UCHL5: variants seen among roughly 807,000 people sequenced by gnomAD.
UCHL5 encodes ubiquitin carboxyl-terminal hydrolase isozyme L5.
UCHL5 carries 34 observed loss-of-function variants against 53.8 expected under a neutral mutation model. The observed-to-expected ratio is 0.63, with a 90% CI of 0.48 to 0.84. The LOEUF (loss-of-function observed/expected upper bound fraction) is 0.84, where lower values mean the gene tolerates loss of function less well. UCHL5 is among the 40% of genes least tolerant of loss of function. UCHL5 has a pLI of 0.00. For synonymous variants in UCHL5, 111 were observed against 126.3 expected (o/e 0.88, Z 0.81); for missense variants, 290 against 385.6 (o/e 0.75, Z 2.08).
At chr1:193,031,201 A>G (rs999824104) in intron 3 of UCHL5, among the ~76,000 whole-genome samples, 1 of 152,188 alleles carries the variant, frequency 6.6e-6, no homozygotes, top group African/African-American at 2.4e-5. Flanking sequence ...TCTTAGGTCT[A>G]AATTACCTAA....
chr1:193,039,630 A>C (rs941430897), intron 3 of UCHL5, among the ~76,000 whole-genome samples: 8 of 152,204 alleles, frequency 5.3e-5, no homozygotes, highest in African/African-American at 1.9e-4. Context: ...CATTCTTCAT[A>C]GAAACAGAAA....
intron 3 of UCHL5, among the ~76,000 whole-genome samples, chr1:193,035,383 A>T (rs556027318): frequency 2.6e-5 from 4 of 152,110 alleles, no homozygotes; most frequent in African/African-American, 9.6e-5. Flanking sequence ...GCTTCAATTC[A>T]TCTAGCAACG....
At chr1:193,057,092 T>C (rs1200214307) in intron 1 of UCHL5, among the ~76,000 whole-genome samples, 5 of 152,218 alleles carry the variant, frequency 3.3e-5, no homozygotes, top group African/African-American at 9.7e-5. Context: ...GAACGTAAAA[T>C]ATATGACTAA....
intron 3 of UCHL5, among the ~76,000 whole-genome samples, chr1:193,040,462 A>G (rs1445310516): frequency 6.6e-6 from 1 of 152,220 alleles, no homozygotes; most frequent in East Asian, 1.9e-4. Context: ...CACCCAAGTT[A>G]AAATGGCTTT....
chr1:193,058,375 A>G (rs923936919), intron 1 of UCHL5, among the ~76,000 whole-genome samples: 6 of 152,238 alleles, frequency 3.9e-5, no homozygotes, highest in Non-Finnish European at 8.8e-5. Flanking sequence ...ATCCCGCGTA[A>G]AAGTTTTAAC....
rs900060207 is a variant in UCHL5, at chr1:193,038,471, A to C, written c.247-8814T>G. Among the ~76,000 whole-genome samples, 6 of 151,712 alleles carry C rather than the reference A, an allele frequency of 4.0e-5. 1 individual carries two copies. Among genetic ancestry groups the C allele is most frequent in the African/African-American group, 1.4e-4 (6 of 41,400 alleles). ...CTTCATCTCAAAAAAAAAAAAAAAAACCACAGTCTTTCCTCTAAGATCAGG... is the reference window on the plus strand; with the variant it reads ...CTTCATCTCAAAAAAAAAAAAAAAACCCACAGTCTTTCCTCTAAGATCAGG... On this transcript the variant is annotated intron_variant, in intron 3 of 10. Coordinates refer to ENST00000367454, the MANE Select transcript of UCHL5 (RefSeq NM_001199261.3).
intron 10 of UCHL5, among the ~76,000 whole-genome samples, chr1:193,020,793 A>C (rs2102297914): frequency 6.6e-6 from 1 of 152,056 alleles, no homozygotes; most frequent in South Asian, 2.1e-4. Flanking sequence ...TATTTCAATT[A>C]TCAGCATTAA....
chr1:193,053,479 T>G (rs1307869123), intron 1 of UCHL5, among the ~76,000 whole-genome samples: 2 of 152,220 alleles, frequency 1.3e-5, no homozygotes, highest in African/African-American at 4.8e-5. Context: ...CAATTTAGCA[T>G]CTATCTCCTT....
chr1:193,038,968 A>ACGCT (rs1341757433), intron 3 of UCHL5, among the ~76,000 whole-genome samples: 1 of 152,162 alleles, frequency 6.6e-6, no homozygotes, highest in African/African-American at 2.4e-5. Context: ...TTCACTCCAG[A>ACGCT]CAGAGCAAGA....
At chr1:193,054,637 G>T (rs1238052201) in intron 1 of UCHL5, among the ~76,000 whole-genome samples, 1 of 152,092 alleles carries the variant, frequency 6.6e-6, no homozygotes, top group African/African-American at 2.4e-5. Context: ...CCATTTTAGG[G>T]GCTGTAACAA....
At chr1:193,043,205 T>G (rs1349100373) in intron 3 of UCHL5, among the ~76,000 whole-genome samples, 3 of 147,478 alleles carry the variant, frequency 2.0e-5, no homozygotes, top group Non-Finnish European at 4.5e-5. Flanking sequence ...CTATTGTTTT[T>G]TTTATGCCTA....
chr1:193,055,084 T>C (rs111640063), intron 1 of UCHL5, among the ~76,000 whole-genome samples: 105 of 152,320 alleles, frequency 6.9e-4, no homozygotes, highest in Non-Finnish European at 1.2e-3. Context: ...GGCTATTTAG[T>C]GTAGAAAGAA....
chr1:193,041,577 C>T (rs980524249), intron 3 of UCHL5, among the ~76,000 whole-genome samples: 19 of 152,170 alleles, frequency 1.2e-4, no homozygotes, highest in African/African-American at 4.3e-4. Context: ...ATATTTCCTT[C>T]AAAAGTTGCA....
intron 10 of UCHL5, among the ~76,000 whole-genome samples, chr1:193,017,365 T>C (rs984660743): frequency 1.3e-5 from 2 of 151,758 alleles, no homozygotes; most frequent in Admixed American, 6.6e-5. Flanking sequence ...CTTTTTGTAA[T>C]GTATTAGGTA....
chr1:193,040,363 A>T (rs1295423842), intron 3 of UCHL5, among the ~76,000 whole-genome samples: 1 of 152,214 alleles, frequency 6.6e-6, no homozygotes, highest in Non-Finnish European at 1.5e-5. Flanking sequence ...TTCTCAAAAG[A>T]CATACAAATG....
rs1276766124 is a variant in UCHL5 at position 193,016,225 on chromosome 1, G to A, written c.*126C>T. On this transcript the variant is annotated 3_prime_UTR_variant, in exon 11 of 11. Transcript: ENST00000367454. ...TTATGAATCCATGCATTAAAGACAA[G>A]ACAGGCTGGCACTATTGCCAAACGT... The A allele has an allele frequency of 9.8e-7, 1 of 1,023,798 alleles. No individual in the cohort carries two copies. The highest frequency in any genetic ancestry group is 2.6e-5 in the Admixed American group (1 of 38,970). The allele number at this position is 1,023,798 out of a possible 1,614,324, so 63.4% of individuals were successfully genotyped here. A position where few individuals can be genotyped will look rare whatever the true frequency, so the allele number is the denominator to read the frequency against.
chr1:193,021,203 T>A lies in UCHL5; in HGVS notation c.844-8A>T. On this transcript the variant is annotated splice_polypyrimidine_tract_variant and splice_region_variant and intron_variant, in intron 9 of 10. Coordinates refer to ENST00000367454, the MANE Select transcript of UCHL5 (RefSeq NM_001199261.3). ...CCTTCTGATATTCTCAATCTGAAAA[T>A]AAAACATCAATCCACACTAACTACA... 6.4e-7 allele frequency: 1 copy of A among 1,550,712 alleles called. No homozygotes were observed. The highest frequency in any genetic ancestry group is 2.3e-5 in the East Asian group (1 of 44,434).
At chr1:193,050,673 G>A (rs755379427) in intron 2 of UCHL5, among the ~76,000 whole-genome samples, 2 of 151,898 alleles carry the variant, frequency 1.3e-5, no homozygotes, top group Admixed American at 6.6e-5. Context: ...TTGTACCCGG[G>A]AGGCAGAGAC....
At chr1:193,050,684 T>C (rs1668736609) in intron 2 of UCHL5, among the ~76,000 whole-genome samples, 1 of 151,478 alleles carries the variant, frequency 6.6e-6, no homozygotes, top group Non-Finnish European at 1.5e-5. Flanking sequence ...AGGCAGAGAC[T>C]GCAGTGAGCC....
Sources: allele counts gnomAD v4.1 joint callset (sites outside exome capture counted in the v4.1 genomes callset), GRCh38; gene constraint gnomAD v4.1.1; transcripts MANE v1.5; gene names NCBI Gene and HGNC (gene_info 2026-07-23, HGNC 2026-07-21).